Variants in WDR25 observed in about 807,000 individuals in gnomAD.
WDR25 encodes WD repeat domain 25.
WDR25 carries 35 observed loss-of-function variants against 47.7 expected under a neutral mutation model. The ratio of observed to expected loss-of-function variants is 0.73; its 90% CI spans 0.56 to 0.97. The LOEUF (loss-of-function observed/expected upper bound fraction) is 0.97, where lower values mean the gene tolerates loss of function less well. Ranked by LOEUF, WDR25 falls within the 50% of genes least tolerant of loss-of-function variation. The probability of loss-of-function intolerance (pLI) is 0.00; values close to 1 mark genes in which losing one functional copy is unlikely to be tolerated. For synonymous variants in WDR25, 248 were observed against 278.9 expected, an observed-to-expected ratio of 0.89 and a Z score of 1.10; for missense variants, 634 against 704.7, an observed-to-expected ratio of 0.90 and a Z score of 1.14.
At chr14:100,486,960 A>G (rs1350547364) in intron 4 of WDR25, among the ~76,000 whole-genome samples, 6 of 152,218 alleles carry the variant, frequency 3.9e-5, no homozygotes, top group South Asian at 2.1e-4. Context: ...AAACATTAGC[A>G]ACATTTTGAT....
chr14:100,418,342 T>C (rs1316166301), intron 2 of WDR25, among the ~76,000 whole-genome samples: 1 of 150,898 alleles, frequency 6.6e-6, no homozygotes, highest in African/African-American at 2.4e-5. Context: ...CTATTGAAAG[T>C]GAAAAATTTG....
chr14:100,463,421 T>C (rs1023435888), intron 2 of WDR25, among the ~76,000 whole-genome samples: 4 of 152,092 alleles, frequency 2.6e-5, no homozygotes, highest in African/African-American at 9.7e-5. Context: ...TCCAGGACTT[T>C]CCTCTTCTGT....
intron 4 of WDR25, among the ~76,000 whole-genome samples, chr14:100,484,776 T>C (rs936768107): frequency 6.6e-6 from 1 of 152,126 alleles, no homozygotes; most frequent in Non-Finnish European, 1.5e-5. Flanking sequence ...TCTCCAAAAC[T>C]TGGACATTTT....
At chr14:100,403,187 G>A (rs1441712085) in intron 2 of WDR25, among the ~76,000 whole-genome samples, 1 of 152,136 alleles carries the variant, frequency 6.6e-6, no homozygotes, top group Admixed American at 6.5e-5. Context: ...ATACAAATTG[G>A]TATTTGATGT....
At chr14:100,381,905 T>C in intron 2 of WDR25, 159 bp downstream of exon 2, 1 of 681,294 alleles carries the variant, frequency 1.5e-6, no homozygotes, top group Non-Finnish European at 2.5e-6. Context: ...TGTGGTCAGC[T>C]CCGGGTTGTG....
At chr14:100,389,277 A>G (rs1157721633) in intron 2 of WDR25, among the ~76,000 whole-genome samples, 1 of 152,154 alleles carries the variant, frequency 6.6e-6, no homozygotes, top group Non-Finnish European at 1.5e-5. Context: ...TTTTCCCTAC[A>G]TATATCAACT....
chr14:100,410,264 T>G (rs1211785901), intron 2 of WDR25, among the ~76,000 whole-genome samples: 1 of 152,138 alleles, frequency 6.6e-6, no homozygotes, highest in Non-Finnish European at 1.5e-5. Flanking sequence ...TTTTTACATA[T>G]GCTCTGGAAT....
intron 2 of WDR25, among the ~76,000 whole-genome samples, chr14:100,403,697 T>C (rs770504660): frequency 6.6e-6 from 1 of 152,190 alleles, no homozygotes; most frequent in Non-Finnish European, 1.5e-5. Context: ...GTGATTCCAT[T>C]AATAGATTGC....
rs974070508 is a variant in WDR25 at position 100,407,419 on chromosome 14, C to T, written c.822+25673C>T. ...TCAGGTGAGATGGGGACTAGAAAGTCGGTCTGGCTGAAGCTAAGTGAGGCC... is the reference window on the plus strand; with the variant it reads ...TCAGGTGAGATGGGGACTAGAAAGTTGGTCTGGCTGAAGCTAAGTGAGGCC... On this transcript the variant is annotated intron_variant, in intron 2 of 6. Transcript: ENST00000402312. The surrounding 1 kb of genome is among the most constrained non-coding windows in gnomAD (Gnocchi z 4.1). The T allele has an allele frequency of 2.0e-5, 3 of 152,206 alleles. No homozygotes were observed. Among genetic ancestry groups the T allele is most frequent in the East Asian group, 1.9e-4 (1 of 5,190 alleles). 9.4% of individuals were successfully genotyped at this position (152,206 alleles called of 1,614,324 possible).
intron 2 of WDR25, among the ~76,000 whole-genome samples, chr14:100,445,017 A>AG (rs899968665): frequency 1.3e-5 from 2 of 152,196 alleles, no homozygotes; most frequent in African/African-American, 4.8e-5. Context: ...GGCAGAACAG[A>AG]GTTAGGATTC....
At chr14:100,459,614 C>T (rs918836101) in intron 2 of WDR25, among the ~76,000 whole-genome samples, 1 of 151,886 alleles carries the variant, frequency 6.6e-6, no homozygotes, top group Non-Finnish European at 1.5e-5. Context: ...CCAATTCTCC[C>T]TCTATGCATA....
chr14:100,524,036 G>T (rs2029989696), intron 4 of WDR25, among the ~76,000 whole-genome samples: 1 of 152,076 alleles, frequency 6.6e-6, no homozygotes, highest in Non-Finnish European at 1.5e-5. Context: ...TATTGGCAGG[G>T]ATCGCCCATA....
rs1191443682 is a variant in WDR25 at position 100,410,623 on chromosome 14, G to A, written c.822+28877G>A. ...CCTTGCACGGAGGACAGCCCGTGCCGAGGCTGAGAAGAGCTTGGTGTGTGG... is the reference window on the plus strand; with the variant it reads ...CCTTGCACGGAGGACAGCCCGTGCCAAGGCTGAGAAGAGCTTGGTGTGTGG... On this transcript the variant is annotated intron_variant, in intron 2 of 6. Transcript: ENST00000402312. Among the ~76,000 whole-genome samples, 7 of 152,226 alleles carry A rather than the reference G, an allele frequency of 4.6e-5. No individual in the cohort carries two copies. The East Asian group carries it at 9.6e-4, about 21-fold the overall frequency.
At chr14:100,520,793 G>A (rs1023556111) in intron 4 of WDR25, among the ~76,000 whole-genome samples, 5 of 152,166 alleles carry the variant, frequency 3.3e-5, no homozygotes, top group African/African-American at 4.8e-5. Context: ...ATTTAGCTGG[G>A]CACAGCACCC....
At chr14:100,524,834 T>G (rs558078131) in intron 4 of WDR25, among the ~76,000 whole-genome samples, 21 of 152,290 alleles carry the variant, frequency 1.4e-4, no homozygotes, top group African/African-American at 4.3e-4. Context: ...CTCAACCTCC[T>G]CCTCCTCTAA....
intron 2 of WDR25, among the ~76,000 whole-genome samples, chr14:100,394,323 TG>T (rs1393463058): frequency 2.6e-5 from 4 of 152,026 alleles, no homozygotes; most frequent in Non-Finnish European, 5.9e-5. Context: ...GTGGTGGACT[TG>T]GGGGATGGCT....
chr14:100,396,152 A>G (rs547533153), intron 2 of WDR25, among the ~76,000 whole-genome samples: 80 of 150,962 alleles, frequency 5.3e-4, no homozygotes, highest in Non-Finnish European at 1.0e-3. Flanking sequence ...AATTTTTTGT[A>G]TTTGTAGTAG....
At chr14:100,526,127 T>A in intron 5 of WDR25, 87 bp downstream of exon 5, 1 of 1,477,154 alleles carries the variant, frequency 6.8e-7, no homozygotes. Flanking sequence ...CCAGGTCCCT[T>A]CTGTGGGAGG....
At chr14:100,412,126 G>A (rs1306747809) in intron 2 of WDR25, among the ~76,000 whole-genome samples, 1 of 150,090 alleles carries the variant, frequency 6.7e-6, no homozygotes, top group South Asian at 2.1e-4. Flanking sequence ...AGGATCACTC[G>A]AGTCCAGGAG....
Sources: gnomAD v4.1 joint callset for allele counts (sites outside exome capture counted in the v4.1 genomes callset) on GRCh38, gnomAD v4.1.1 for gene constraint, Gnocchi (gnomAD v3.1) non-coding constraint, MANE v1.5 for transcripts, NCBI Gene and HGNC (gene_info 2026-07-23, HGNC 2026-07-21) for gene names.